SLC20A2: variants seen among roughly 807,000 people sequenced by gnomAD.
SLC20A2 encodes the protein sodium-dependent phosphate transporter 2.
In SLC20A2, 30 loss-of-function variants were observed where a neutral mutation model predicts 61.0. That is an observed-to-expected ratio of 0.49 (90% CI 0.37 to 0.67). SLC20A2 has a LOEUF of 0.67. Among genes scored for constraint, SLC20A2 ranks in the 30% least tolerant of loss-of-function variants. The pLI is 0.00. For synonymous variants in SLC20A2, 351 were observed against 353.3 expected (o/e 0.99, Z 0.07); for missense variants, 626 against 866.4 (o/e 0.72, Z 3.48).
At chr8:42,440,112 G>T (rs921473485) in intron 6 of SLC20A2, among the ~76,000 whole-genome samples, 7 of 150,974 alleles carry the variant, frequency 4.6e-5, no homozygotes, top group African/African-American at 1.7e-4. Context: ...GAAAAGAAAA[G>T]AAAGTCAAAA....
At chr8:42,466,843 A>AT (rs1165253400) in intron 2 of SLC20A2, among the ~76,000 whole-genome samples, 2 of 149,936 alleles carry the variant, frequency 1.3e-5, no homozygotes, top group African/African-American at 5.0e-5. Flanking sequence ...TAATTTTTAA[A>AT]TTTTTTTGCA....
rs528512714 is a variant in SLC20A2, at chr8:42,465,668, C to T, written c.430+109G>A. ...ATTGCACCACTGCACTCCAGCCTGG[C>T]AACAGAGTGACACTCCGGGTCAAAA... On this transcript the variant is annotated intron_variant, in intron 3 of 10. Coordinates refer to ENST00000520262, the MANE Select transcript of SLC20A2 (RefSeq NM_001257180.2). 3.5e-5 allele frequency: 39 copies of T among 1,118,796 alleles called. No individual in the cohort carries two copies. The East Asian group carries it at 9.1e-4, about 26-fold the overall frequency. The allele number at this position is 1,118,796 out of a possible 1,614,324, so 69.3% of individuals were successfully genotyped here. A position where few individuals can be genotyped will look rare whatever the true frequency, so the allele number is the denominator to read the frequency against.
chr8:42,470,862 T>C (rs1807578833), intron 2 of SLC20A2, among the ~76,000 whole-genome samples: 1 of 151,240 alleles, frequency 6.6e-6, no homozygotes. Context: ...TAGTCTCAGC[T>C]ACTCCGGAGG....
At chr8:42,491,281 G>A (rs1452470819) in intron 1 of SLC20A2, among the ~76,000 whole-genome samples, 1 of 152,148 alleles carries the variant, frequency 6.6e-6, no homozygotes, top group Non-Finnish European at 1.5e-5. Flanking sequence ...TTGGGAGGCT[G>A]AGGCGGGCGA....
chr8:42,526,610 T>G (rs773408604), intron 1 of SLC20A2, among the ~76,000 whole-genome samples: 1 of 150,990 alleles, frequency 6.6e-6, no homozygotes, highest in East Asian at 2.0e-4. Context: ...GAGGCAGAGG[T>G]TGCAGTGAGC....
chr8:42,522,955 C>T (rs1211399670), intron 1 of SLC20A2, among the ~76,000 whole-genome samples: 1 of 151,016 alleles, frequency 6.6e-6, no homozygotes, highest in Non-Finnish European at 1.5e-5. Flanking sequence ...GAACTCCTGG[C>T]CTCAAGCAAT....
chr8:42,452,414 T>TGAA (rs1293883131), intron 5 of SLC20A2, among the ~76,000 whole-genome samples: 1 of 99,342 alleles, frequency 1.0e-5, no homozygotes, highest in African/African-American at 4.1e-5. Context: ...GAGGAAGAGA[T>TGAA]GAAGAAGAAG....
chr8:42,491,608 T>G (rs1027364676), intron 1 of SLC20A2, among the ~76,000 whole-genome samples: 4 of 151,648 alleles, frequency 2.6e-5, no homozygotes, highest in Non-Finnish European at 5.9e-5. Context: ...AAGGCAGAGG[T>G]TGCAGTGAGC....
At chr8:42,486,639 C>G (rs1563513995) in intron 1 of SLC20A2, among the ~76,000 whole-genome samples, 1 of 152,242 alleles carries the variant, frequency 6.6e-6, no homozygotes, top group Non-Finnish European at 1.5e-5. Flanking sequence ...TCTGCTGCCT[C>G]TGGGCCTCAC....
At chr8:42,447,493 C>T (rs780055172) in intron 5 of SLC20A2, among the ~76,000 whole-genome samples, 18 of 152,018 alleles carry the variant, frequency 1.2e-4, no homozygotes, top group South Asian at 8.3e-4. Context: ...CTGGCTAACA[C>T]GGTGAAACCC....
chr8:42,443,277 A>G (rs1452758936), intron 6 of SLC20A2, among the ~76,000 whole-genome samples: 1 of 112,740 alleles, frequency 8.9e-6, no homozygotes, highest in Non-Finnish European at 1.7e-5. Flanking sequence ...ATATATATAT[A>G]TATATATATA....
chr8:42,442,239 G>A (rs950990993), intron 6 of SLC20A2, among the ~76,000 whole-genome samples: 1 of 152,146 alleles, frequency 6.6e-6, no homozygotes, highest in Non-Finnish European at 1.5e-5. Flanking sequence ...GGCCCAACTT[G>A]TTCTTTTATA....
chr8:42,443,322 C>CT (rs36132148), intron 6 of SLC20A2, among the ~76,000 whole-genome samples: 4,836 of 79,198 alleles, frequency 0.061, 391 homozygotes, highest in African/African-American at 0.18. Context: ...AAAATGTATA[C>CT]TTTTTTTTTT....
chr8:42,431,891 A>C (rs1803896630), intron 8 of SLC20A2, among the ~76,000 whole-genome samples: 1 of 152,222 alleles, frequency 6.6e-6, no homozygotes, highest in African/African-American at 2.4e-5. Context: ...GCTCAGAAAA[A>C]AATATTAATA....
rs578229459 is a variant in SLC20A2 at position 42,490,070 on chromosome 8, A to G, written c.-265+10961T>C. On this transcript the variant is annotated intron_variant, in intron 1 of 10. Coordinates refer to ENST00000520262, the MANE Select transcript of SLC20A2 (RefSeq NM_001257180.2). ...TATTGGTCTTACAAAGCTGGATTCA[A>G]TTTGACTGCTTGAGTTCTTAGAAGT... 3.7e-4 allele frequency among the ~76,000 whole-genome samples: 56 copies of G among 152,340 alleles called. 1 individual carries two copies. Among genetic ancestry groups the G allele is most frequent in the East Asian group, 1.2e-3 (6 of 5,190 alleles).
intron 10 of SLC20A2, among the ~76,000 whole-genome samples, chr8:42,421,733 G>A (rs1803054479): frequency 6.6e-6 from 1 of 152,152 alleles, no homozygotes; most frequent in South Asian, 2.1e-4. Context: ...GAACCCGGGA[G>A]GTGGAGGTTG....
At chr8:42,469,668 G>A (rs538467923) in intron 2 of SLC20A2, among the ~76,000 whole-genome samples, 8 of 152,238 alleles carry the variant, frequency 5.3e-5, no homozygotes, top group East Asian at 3.9e-4. Flanking sequence ...GGTGGCTCAC[G>A]CCTGTAATCC....
At chr8:42,531,323 G>A (rs1812306378) in intron 1 of SLC20A2, among the ~76,000 whole-genome samples, 2 of 152,108 alleles carry the variant, frequency 1.3e-5, no homozygotes, top group African/African-American at 4.8e-5. Context: ...TTAGCTCTAA[G>A]ATACCCAAAC....
At chr8:42,480,145 A>T (rs1245196599) in intron 1 of SLC20A2, among the ~76,000 whole-genome samples, 1 of 152,184 alleles carries the variant, frequency 6.6e-6, no homozygotes, top group Non-Finnish European at 1.5e-5. Context: ...AACTTGAGAG[A>T]TTTTCATGAC....
Sources: gnomAD v4.1 joint callset for allele counts (sites outside exome capture counted in the v4.1 genomes callset) on GRCh38, gnomAD v4.1.1 for gene constraint, MANE v1.5 for transcripts, NCBI Gene and HGNC (gene_info 2026-07-23, HGNC 2026-07-21) for gene names.